Variants in CDH8 observed in about 807,000 individuals in gnomAD.
CDH8 encodes cadherin-8.
A neutral mutation model predicts 68.1 loss-of-function variants in CDH8; 17 were observed. The ratio of observed to expected loss-of-function variants is 0.25; its 90% CI spans 0.17 to 0.37. The LOEUF (loss-of-function observed/expected upper bound fraction) is 0.37. CDH8 is among the 10% of genes least tolerant of loss of function. CDH8 has a pLI of 1.00. For missense variants in CDH8, 763 were observed against 999.3 expected, an observed-to-expected ratio of 0.76 and a Z score of 3.19; for synonymous variants, 372 against 365.1, an observed-to-expected ratio of 1.02 and a Z score of -0.21.
At chr16:61,929,615 C>CACTGGG (rs1488532187) in intron 2 of CDH8, among the ~76,000 whole-genome samples, 1 of 152,098 alleles carries the variant, frequency 6.6e-6, no homozygotes, top group Admixed American at 6.5e-5. Flanking sequence ...AGACTGGGTG[C>CACTGGG]ACTGGGTCCC....
chr16:61,652,881 G>T lies in CDH8; in HGVS notation c.*727C>A, dbSNP rs1596831343. On this transcript the variant is annotated 3_prime_UTR_variant, in exon 12 of 12. Transcript: ENST00000577390. ...CTTGTGGAAGAAGATGAAGAGGAGG[G>T]AACGAGGAATCCTGCTTCTAGAAAA... 1 of 1,525,076 alleles carries T rather than the reference G, an allele frequency of 6.6e-7. No individual in the cohort carries two copies. The highest frequency in any genetic ancestry group is 1.4e-5 in the African/African-American group (1 of 72,888). The allele number at this position is 1,525,076 out of a possible 1,614,324, so 94.5% of individuals were successfully genotyped here. A position where few individuals can be genotyped will look rare whatever the true frequency, so the allele number is the denominator to read the frequency against.
At chr16:61,739,912 TG>T (rs1183169194) in intron 8 of CDH8, among the ~76,000 whole-genome samples, 11 of 69,440 alleles carry the variant, frequency 1.6e-4, no homozygotes, top group African/African-American at 5.3e-4. Flanking sequence ...TATATATATA[TG>T]TATTTTTTTT....
intron 10 of CDH8, among the ~76,000 whole-genome samples, chr16:61,659,144 A>G (rs1471256631): frequency 1.3e-5 from 2 of 152,220 alleles, no homozygotes; most frequent in African/African-American, 4.8e-5. Flanking sequence ...AGCATGATAG[A>G]AAAGGAGCTC....
intron 3 of CDH8, among the ~76,000 whole-genome samples, chr16:61,883,130 A>T (rs1179320964): frequency 2.0e-5 from 3 of 152,144 alleles, no homozygotes; most frequent in Non-Finnish European, 2.9e-5. Context: ...GGTATGGTTA[A>T]GAAAGAATAT....
rs3069990 is a variant in CDH8 at position 61,862,135 on chromosome 16, T to TCACACACACACACACA, written c.548-4913_548-4898dup. On this transcript the variant is annotated intron_variant, in intron 3 of 11. Transcript: ENST00000577390. Reference sequence around the variant, plus strand: ...AAAAGAAAACACACACAAACACCACTCACACACACACACACACACACACAC... The same window carrying TCACACACACACACACA: ...AAAAGAAAACACACACAAACACCACTCACACACACACACACACACACACACACACACACACACACAC... 2.4e-4 allele frequency among the ~76,000 whole-genome samples: 35 copies of TCACACACACACACACA among 146,328 alleles called. No individual in the cohort carries two copies. The East Asian group carries it at 7.2e-3, about 30-fold the overall frequency.
At chr16:61,839,096 T>C (rs1962630158) in intron 4 of CDH8, among the ~76,000 whole-genome samples, 1 of 152,158 alleles carries the variant, frequency 6.6e-6, no homozygotes, top group Admixed American at 6.5e-5. Context: ...AATAGTGTAA[T>C]TCTTTGTCCA....
At chr16:62,019,621 C>T (rs765841489) in intron 2 of CDH8, among the ~76,000 whole-genome samples, 1 of 152,140 alleles carries the variant, frequency 6.6e-6, no homozygotes, top group Non-Finnish European at 1.5e-5. Flanking sequence ...AATATATGAA[C>T]AGTCACAATT....
rs1491563529 is a variant in CDH8 at position 61,960,347 on chromosome 16, A to ATACACATACATATACG, written c.253-58875_253-58874insCGTATATGTATGTGTA. 7.5e-5 allele frequency among the ~76,000 whole-genome samples: 2 copies of ATACACATACATATACG among 26,568 alleles called. 1 individual carries two copies. The highest frequency in any genetic ancestry group is 5.3e-4 in the African/African-American group (2 of 3,804). The allele number at this position is 26,568 out of a possible 152,430, so 17.4% of individuals were successfully genotyped here. ...TGTGTGTGTATACACACATATATACATGTGTGTGTGTATACACATACATAT... is the reference window on the plus strand; with the variant it reads ...TGTGTGTGTATACACACATATATACATACACATACATATACGTGTGTGTGTGTATACACATACATAT... On this transcript the variant is annotated intron_variant, in intron 2 of 11. Transcript: ENST00000577390.
chr16:61,817,562 A>C lies in CDH8; in HGVS notation c.1194T>G (p.Leu398=), dbSNP rs368820809. 1.2e-5 allele frequency: 20 copies of C among 1,613,812 alleles called. No homozygotes were observed. Among genetic ancestry groups the C allele is most frequent in the Non-Finnish European group, 1.7e-5 (20 of 1,179,922 alleles). The change falls in exon 7 of 12, where the codon CTT becomes CTG. Residue 398 remains leucine (L), a synonymous_variant. Coordinates refer to ENST00000577390, the MANE Select transcript of CDH8 (RefSeq NM_001796.5). ...TTAGAGCAGCATTTTCATGAACTTC[A>C]AGTAGGTAAGTCGGTGAAGAGAAGA... ...PPVFSSPTYL[L]EVHENAALNS...
At chr16:61,945,546 C>T (rs764488046) in intron 2 of CDH8, among the ~76,000 whole-genome samples, 3 of 151,990 alleles carry the variant, frequency 2.0e-5, no homozygotes, top group Admixed American at 2.0e-4. Context: ...TGGGAGCATC[C>T]CTACTCAAAG....
chr16:61,682,737 G>A (rs1311342609), intron 10 of CDH8, among the ~76,000 whole-genome samples: 2 of 151,900 alleles, frequency 1.3e-5, no homozygotes, highest in East Asian at 3.9e-4. Flanking sequence ...AGAAGCCATG[G>A]AGCACTTGCA....
Position 61,652,418 on chromosome 16 carries a change from C to CT in CDH8, c.*1189dup. 1.0e-6 allele frequency: 1 copy of CT among 985,250 alleles called. No homozygotes were observed. The highest frequency in any genetic ancestry group is 1.2e-6 in the Non-Finnish European group (1 of 829,740). 61.0% of individuals were successfully genotyped at this position (985,250 alleles called of 1,614,324 possible). The stretch of plus-strand genomic sequence containing the variant: ...TTAAATATTCACAGGAATCAATATA[C>CT]TTTAGGATGTTTGTGCTTGTAGTAA... On this transcript the variant is annotated 3_prime_UTR_variant, in exon 12 of 12. Transcript: ENST00000577390.
intron 3 of CDH8, among the ~76,000 whole-genome samples, chr16:61,895,169 G>A (rs1510158): frequency 0.21 from 31,660 of 151,892 alleles, 3,679 homozygotes; most frequent in African/African-American, 0.32. Flanking sequence ...AATTTGCAAA[G>A]TAGGCTGACC....
intron 8 of CDH8, among the ~76,000 whole-genome samples, chr16:61,778,383 C>T (rs1960954195): frequency 6.6e-6 from 1 of 152,078 alleles, no homozygotes; most frequent in Admixed American, 6.6e-5. Context: ...ATCTACCATG[C>T]CTCAACCAAG....
chr16:61,784,730 A>C (rs1961188808), intron 8 of CDH8, among the ~76,000 whole-genome samples: 1 of 149,912 alleles, frequency 6.7e-6, no homozygotes, highest in Non-Finnish European at 1.5e-5. Context: ...AAATTATAAC[A>C]AACTGTCTCT....
chr16:61,891,601 A>G (rs1381958078), intron 3 of CDH8, among the ~76,000 whole-genome samples: 1 of 152,190 alleles, frequency 6.6e-6, no homozygotes, highest in African/African-American at 2.4e-5. Context: ...GATTGCATCA[A>G]CTGCCTACAT....
intron 7 of CDH8, among the ~76,000 whole-genome samples, chr16:61,808,893 A>C: frequency 6.6e-6 from 1 of 152,196 alleles, no homozygotes; most frequent in Admixed American, 6.5e-5. Context: ...TGTTCCAATA[A>C]GACTTTACTA....
At chr16:61,838,628 T>C (rs1439199229) in intron 4 of CDH8, among the ~76,000 whole-genome samples, 1 of 152,158 alleles carries the variant, frequency 6.6e-6, no homozygotes, top group Non-Finnish European at 1.5e-5. Context: ...AGTCCCTGAT[T>C]GATTTCTGAG....
intron 2 of CDH8, among the ~76,000 whole-genome samples, chr16:61,995,567 C>A (rs975968516): frequency 1.3e-5 from 2 of 152,110 alleles, no homozygotes; most frequent in Non-Finnish European, 2.9e-5. Flanking sequence ...TTAGTAGAGA[C>A]AGAGTTTCAC....
Sources: gnomAD v4.1 joint callset for allele counts (sites outside exome capture counted in the v4.1 genomes callset) on GRCh38, gnomAD v4.1.1 for gene constraint, MANE v1.5 for transcripts, NCBI Gene and HGNC (gene_info 2026-07-23, HGNC 2026-07-21) for gene names.